Variants in GALNT13 observed in about 807,000 individuals in gnomAD.
GALNT13 encodes UDP-GalNAc:polypeptide N-acetylgalactosaminyltransferase 13.
In GALNT13, 28 loss-of-function variants were observed where a neutral mutation model predicts 64.2. The ratio of observed to expected loss-of-function variants is 0.44; its 90% confidence interval spans 0.32 to 0.60. The LOEUF is 0.60. Ranked by LOEUF, GALNT13 falls within the 20% of genes least tolerant of loss-of-function variation. GALNT13 has a pLI of 0.05. For missense variants in GALNT13, 577 were observed against 669.8 expected, an observed-to-expected ratio of 0.86 and a Z score of 1.53; for synonymous variants, 214 against 224.6, an observed-to-expected ratio of 0.95 and a Z score of 0.42.
the GALNT13 span, among the ~76,000 whole-genome samples, chr2:153,418,246 G>A: frequency 6.6e-6 from 1 of 152,196 alleles, no homozygotes; most frequent in Non-Finnish European, 1.5e-5. Flanking sequence ...AATTCAAGTA[G>A]CCTCTAGAAG....
At chr2:154,241,877 G>T (rs2059335) in intron 4 of GALNT13, among the ~76,000 whole-genome samples, 153 bp from the exon 5 acceptor site, 1 of 152,226 alleles carries the variant, frequency 6.6e-6, no homozygotes, top group African/African-American at 2.4e-5. Context: ...ACTCACAGCA[G>T]TTATAAAAGG....
the GALNT13 span, among the ~76,000 whole-genome samples, chr2:153,491,127 TTATC>T: frequency 5.3e-5 from 8 of 152,102 alleles, no homozygotes; most frequent in Admixed American, 1.3e-4. Flanking sequence ...TGAACATAAT[TTATC>T]TAATTAGGAG....
intron 3 of GALNT13, among the ~76,000 whole-genome samples, chr2:154,067,072 G>A (rs1168781741): frequency 6.6e-6 from 1 of 151,980 alleles, no homozygotes; most frequent in African/African-American, 2.4e-5. Context: ...TAAGTGTCAA[G>A]TTGTCATCAG....
rs1401845070 is a variant in GALNT13 at position 154,140,393 on chromosome 2, C to A, written c.199C>A (p.Pro67Thr). Reference sequence around the variant, plus strand: ...AGAAATGGGAAAAGCTGTGTTGATTCCTAAAGATGACCAGGAGAAAATGAA... The same window carrying A: ...AGAAATGGGAAAAGCTGTGTTGATTACTAAAGATGACCAGGAGAAAATGAA... ...PGEMGKAVLI[P>T]KDDQEKMKEL... Residue 67 changes from proline to threonine, a missense_variant, in exon 4 of 13, where the codon CCT (proline) becomes ACT (threonine). Around this residue, in one of 3 missense-constraint regions of GALNT13, gnomAD observed 341 missense variants for 379.3 expected, o/e 0.90. Coordinates refer to ENST00000392825, the MANE Select transcript of GALNT13 (RefSeq NM_052917.4). 1 of 1,612,970 alleles carries A rather than the reference C, an allele frequency of 6.2e-7. No individual in the cohort carries two copies. Among genetic ancestry groups the A allele is most frequent in the East Asian group, 2.2e-5 (1 of 44,788 alleles).
chr2:154,413,404 G>A (rs1699876497), intron 11 of GALNT13, among the ~76,000 whole-genome samples: 1 of 151,798 alleles, frequency 6.6e-6, no homozygotes, highest in Non-Finnish European at 1.5e-5. Context: ...TACCCATATG[G>A]ATTTAAAACC....
At chr2:153,979,575 G>T (rs1467320113) in intron 3 of GALNT13, among the ~76,000 whole-genome samples, 1 of 152,134 alleles carries the variant, frequency 6.6e-6, no homozygotes, top group Non-Finnish European at 1.5e-5. Context: ...ATGCCTGGTT[G>T]CATAAAAGGA....
the GALNT13 span, among the ~76,000 whole-genome samples, chr2:153,144,515 A>G: frequency 1.3e-5 from 2 of 151,940 alleles, no homozygotes; most frequent in African/African-American, 4.8e-5. Flanking sequence ...CCAGAAGTGT[A>G]TTTGAGCACT....
At chr2:153,649,527 T>C in the GALNT13 span, among the ~76,000 whole-genome samples, 1,272 of 146,828 alleles carry the variant, frequency 8.7e-3, 15 homozygotes, top group African/African-American at 0.03. Flanking sequence ...TGTTTGCTCT[T>C]GCTTTTCTAG....
At chr2:153,536,070 C>A in the GALNT13 span, among the ~76,000 whole-genome samples, 3 of 152,134 alleles carry the variant, frequency 2.0e-5, no homozygotes, top group African/African-American at 7.2e-5. Context: ...AAAGTCTGCC[C>A]TTAGGAGAAA....
At chr2:154,230,839 A>C (rs1004059367) in intron 4 of GALNT13, among the ~76,000 whole-genome samples, 1 of 152,068 alleles carries the variant, frequency 6.6e-6, no homozygotes, top group Non-Finnish European at 1.5e-5. Flanking sequence ...TGCTTTTGTT[A>C]CTGCTTTCTC....
At chr2:153,081,850 G>A in the GALNT13 span, among the ~76,000 whole-genome samples, 1 of 152,210 alleles carries the variant, frequency 6.6e-6, no homozygotes, top group South Asian at 2.1e-4. Context: ...ATATTTCTTT[G>A]ATATTCTGAT....
intron 9 of GALNT13, among the ~76,000 whole-genome samples, chr2:154,365,365 T>C (rs1482923990): frequency 2.0e-5 from 3 of 152,138 alleles, no homozygotes; most frequent in African/African-American, 7.2e-5. Flanking sequence ...CTACCCACCC[T>C]CAAAGACAAA....
chr2:153,468,763 T>A, the GALNT13 span, among the ~76,000 whole-genome samples: 1 of 152,070 alleles, frequency 6.6e-6, no homozygotes, highest in African/African-American at 2.4e-5. Context: ...ATTTACTTTT[T>A]AAAAAGAAAA....
At chr2:154,397,227 A>G (rs1192916039) in intron 10 of GALNT13, among the ~76,000 whole-genome samples, 2 of 151,956 alleles carry the variant, frequency 1.3e-5, no homozygotes, top group Non-Finnish European at 2.9e-5. Context: ...TGAGGCCAGG[A>G]GATCGACACC....
chr2:153,453,853 CGT>C, the GALNT13 span, among the ~76,000 whole-genome samples: 1 of 152,202 alleles, frequency 6.6e-6, no homozygotes, highest in African/African-American at 2.4e-5. Flanking sequence ...ATAACAAAGA[CGT>C]AGAACCAGAG....
chr2:153,424,346 A>T, the GALNT13 span, among the ~76,000 whole-genome samples: 1 of 151,642 alleles, frequency 6.6e-6, no homozygotes, highest in Non-Finnish European at 1.5e-5. Context: ...CCTGAAAAGG[A>T]TGAAAAATCA....
chr2:154,050,699 G>T (rs917095884), intron 3 of GALNT13, among the ~76,000 whole-genome samples: 5 of 151,962 alleles, frequency 3.3e-5, no homozygotes, highest in Admixed American at 2.6e-4. Flanking sequence ...GTTTTTGCCC[G>T]GTTTTAACAT....
chr2:153,656,605 T>A, the GALNT13 span, among the ~76,000 whole-genome samples: 2 of 152,118 alleles, frequency 1.3e-5, no homozygotes, highest in Non-Finnish European at 2.9e-5. Context: ...GTTCTTGTAG[T>A]CATTAAACCT....
the GALNT13 span, among the ~76,000 whole-genome samples, chr2:153,316,896 T>A: frequency 4.6e-5 from 7 of 152,270 alleles, no homozygotes; most frequent in South Asian, 1.4e-3. Flanking sequence ...ATATTCTGTA[T>A]CTTAATAGCT....
Sources: allele counts gnomAD v4.1 joint callset (sites outside exome capture counted in the v4.1 genomes callset), GRCh38; gene constraint gnomAD v4.1.1; regional missense constraint gnomAD v4.1.1; transcripts MANE v1.5; gene names NCBI Gene and HGNC (gene_info 2026-07-23, HGNC 2026-07-21).